Variants in CD8B2 observed in about 807,000 individuals in gnomAD.
CD8B2 encodes the protein CD8B family member 2.
A neutral mutation model predicts 23.7 loss-of-function variants in CD8B2; 11 were observed. That is an observed-to-expected ratio of 0.46 (90% CI 0.29 to 0.77). The LOEUF (loss-of-function observed/expected upper bound fraction) is 0.77. Ranked by LOEUF, CD8B2 falls within the 30% of genes least tolerant of loss-of-function variation. CD8B2 has a pLI of 0.09. For missense variants in CD8B2, 197 were observed against 270.5 expected (o/e 0.73, Z 1.91); for synonymous variants, 90 against 109.3 (o/e 0.82, Z 1.10).
At chr2:106,497,376 A>G (rs959705704) in intron 3 of CD8B2, among the ~76,000 whole-genome samples, 8 of 152,224 alleles carry the variant, frequency 5.3e-5, no homozygotes, top group African/African-American at 1.4e-4. Context: ...TTGCTTCTCT[A>G]TGCTCCACCA....
intron 5 of CD8B2, among the ~76,000 whole-genome samples, chr2:106,534,144 C>T (rs1680051120): frequency 6.6e-6 from 1 of 152,216 alleles, no homozygotes; most frequent in Non-Finnish European, 1.5e-5. Context: ...AGCACCCCAA[C>T]CTTACAAGAG....
intron 5 of CD8B2, among the ~76,000 whole-genome samples, chr2:106,543,796 T>C (rs1463069007): frequency 1.3e-5 from 2 of 152,258 alleles, no homozygotes; most frequent in East Asian, 1.9e-4. Context: ...ATTACTCTTA[T>C]TGACTGGAGC....
intron 3 of CD8B2, among the ~76,000 whole-genome samples, chr2:106,496,913 GA>G (rs1246673102): frequency 1.3e-5 from 2 of 152,184 alleles, no homozygotes; most frequent in Non-Finnish European, 2.9e-5. Context: ...GGGACTTTAT[GA>G]GTAAATTATA....
At chr2:106,524,343 G>A (rs980701312) in intron 5 of CD8B2, among the ~76,000 whole-genome samples, 3 of 152,136 alleles carry the variant, frequency 2.0e-5, no homozygotes, top group African/African-American at 7.2e-5. Context: ...CTTTATTTCC[G>A]GGCATTGTTT....
intron 3 of CD8B2, among the ~76,000 whole-genome samples, chr2:106,497,265 C>T (rs1261642705): frequency 1.3e-5 from 2 of 151,936 alleles, no homozygotes; most frequent in Admixed American, 1.3e-4. Context: ...AGAGCCAGGC[C>T]CTCTCTCAAA....
downstream of CD8B2, among the ~76,000 whole-genome samples, chr2:106,511,638 C>T (rs1481456041): frequency 9.2e-5 from 14 of 152,080 alleles, no homozygotes; most frequent in Non-Finnish European, 1.8e-4. Context: ...TCCCCGACCC[C>T]GCGTGGGCTG....
rs951339874 is a variant in CD8B2 at position 106,487,465 on chromosome 2, G to A, written c.39G>A (p.Leu13=). ...PRLWLLLAAQ[L]TVLHGNSVLQ... The stretch of plus-strand genomic sequence containing the variant: ...TGTGGCTCCTCCTGGCCGCGCAGCT[G>A]ACAGGTAAGGCGGCGGCGCGCGGGC... The change falls in exon 1 of 6, where the codon CTG becomes CTA. Residue 13 remains leucine (L), a synonymous_variant. Transcript: ENST00000643224. The A allele has an allele frequency of 1.0e-5, 13 of 1,247,472 alleles. No individual in the cohort carries two copies. The highest frequency in any genetic ancestry group is 1.3e-5 in the Non-Finnish European group (13 of 997,472). The allele number at this position is 1,247,472 out of a possible 1,614,324, so 77.3% of individuals were successfully genotyped here. A position where few individuals can be genotyped will look rare whatever the true frequency, so the allele number is the denominator to read the frequency against.
chr2:106,513,067 C>A (rs1679664937), downstream of CD8B2, among the ~76,000 whole-genome samples: 3 of 152,008 alleles, frequency 2.0e-5, no homozygotes, highest in South Asian at 6.2e-4. Flanking sequence ...GAGAGCACAG[C>A]CCTCCCTCTC....
At chr2:106,518,899 C>T (rs1679776358) in intron 5 of CD8B2, among the ~76,000 whole-genome samples, 1 of 151,912 alleles carries the variant, frequency 6.6e-6, no homozygotes, top group Non-Finnish European at 1.5e-5. Context: ...CTCCAACCAT[C>T]CCCTAAACTC....
In CD8B2 at chr2:106,544,160, C is replaced by T. The variant is rs192639237; in HGVS notation, c.*123C>T. On this transcript the variant is annotated 3_prime_UTR_variant, in exon 6 of 6. Coordinates refer to the CD8B2 transcript ENST00000416057. ...GTTGAACAGGTGCTCAGACTGCATG[C>T]GTGTCTAGCGAGGCCATCCTGAAGC... is the stretch of plus-strand genomic sequence containing the variant. 3.4e-3 allele frequency: 1,348 copies of T among 398,086 alleles called. 20 individuals carry two copies. The Admixed American group carries it at 0.043, about 13-fold the overall frequency. The allele number at this position is 398,086 out of a possible 1,614,324, so 24.7% of individuals were successfully genotyped here.
In CD8B2 at chr2:106,508,784, G is replaced by C. The variant is rs1435239961; in HGVS notation, c.*1844G>C. On this transcript the variant is annotated 3_prime_UTR_variant, in exon 6 of 6. Transcript: ENST00000643224. Reference sequence around the variant, plus strand: ...CGGATGAAGGGATGGCCCGTGCTTGGTCTGTGGTCAATCCAGGGCAGTCTC... The same window carrying C: ...CGGATGAAGGGATGGCCCGTGCTTGCTCTGTGGTCAATCCAGGGCAGTCTC... 5.9e-5 allele frequency: 9 copies of C among 152,216 alleles called. No homozygotes were observed. Among genetic ancestry groups the C allele is most frequent in the Non-Finnish European group, 1.3e-4 (9 of 68,054 alleles). The allele number at this position is 152,216 out of a possible 1,614,324, so 9.4% of individuals were successfully genotyped here.
intron 2 of CD8B2, among the ~76,000 whole-genome samples, chr2:106,492,008 ATATACCCAG>A (rs1272832310): frequency 6.6e-6 from 1 of 152,088 alleles, no homozygotes; most frequent in Non-Finnish European, 1.5e-5. Flanking sequence ...CACTGCCCTG[ATATACCCAG>A]TGAGGGCATT....
intron 3 of CD8B2, among the ~76,000 whole-genome samples, chr2:106,497,664 G>A (rs186210357): frequency 1.1e-3 from 166 of 152,246 alleles, no homozygotes; most frequent in East Asian, 3.9e-4. Flanking sequence ...ATAGGATCTG[G>A]GAGACCAGGG....
intron 1 of CD8B2, among the ~76,000 whole-genome samples, chr2:106,490,480 T>C (rs1185166555): frequency 6.6e-6 from 1 of 152,152 alleles, no homozygotes; most frequent in African/African-American, 2.4e-5. Flanking sequence ...TGTACTATGA[T>C]AGTGCCTGTG....
At position 106,520,849 on chromosome 2, in the gene CD8B2, G is replaced by A. The variant is rs371978990; in HGVS notation, c.620+16524G>A. 3.9e-5 allele frequency among the ~76,000 whole-genome samples: 6 copies of A among 152,206 alleles called. No homozygotes were observed. The South Asian group carries it at 1.0e-3, about 26-fold the overall frequency. On this transcript the variant is annotated intron_variant, in intron 5 of 5. Coordinates refer to the CD8B2 transcript ENST00000416057. The stretch of plus-strand genomic sequence containing the variant: ...CATGCCACTGCACTCCAGCCTGGGC[G>A]AGAGCGTGAGACTCTGTCTCAAAAC...
At chr2:106,496,812 G>A (rs1573331234) in intron 3 of CD8B2, among the ~76,000 whole-genome samples, 1 of 151,654 alleles carries the variant, frequency 6.6e-6, no homozygotes, top group Admixed American at 6.6e-5. Flanking sequence ...TCTTTTTAGG[G>A]GAATTTAAAT....
At position 106,491,352 on chromosome 2, in the gene CD8B2, G is replaced by T. The variant is rs1292156876; in HGVS notation, c.403+119G>T. 5 of 847,012 alleles carry T rather than the reference G, an allele frequency of 5.9e-6. No homozygotes were observed. The East Asian group carries it at 1.2e-4, about 21-fold the overall frequency. 52.5% of individuals were successfully genotyped at this position (847,012 alleles called of 1,614,324 possible). On this transcript the variant is annotated intron_variant, in intron 2 of 5. Coordinates refer to ENST00000643224, the MANE Select transcript of CD8B2 (RefSeq NM_001349727.2). ...TGCAGCTGTGACTAATGGCACTGCT[G>T]CTAATAGTAACAGAAAGAACATGTG... is the stretch of plus-strand genomic sequence containing the variant.
intron 5 of CD8B2, among the ~76,000 whole-genome samples, chr2:106,539,475 C>T (rs1381190817): frequency 6.6e-6 from 1 of 152,120 alleles, no homozygotes; most frequent in Non-Finnish European, 1.5e-5. Context: ...ACTTGGGACA[C>T]AATACCATGT....
At chr2:106,537,065 C>G (rs1184652965) in intron 5 of CD8B2, among the ~76,000 whole-genome samples, 1 of 152,146 alleles carries the variant, frequency 6.6e-6, no homozygotes, top group African/African-American at 2.4e-5. Flanking sequence ...AGGCCCTGAT[C>G]CAACTCCAAA....
Sources: allele counts gnomAD v4.1 joint callset (sites outside exome capture counted in the v4.1 genomes callset), GRCh38; gene constraint gnomAD v4.1.1; transcripts MANE v1.5; gene names NCBI Gene and HGNC (gene_info 2026-07-23, HGNC 2026-07-21).